Variants in CABLES1 observed in about 807,000 individuals in gnomAD.
The protein encoded by CABLES1 is Cdk5 and Abl enzyme substrate 1.
A neutral mutation model predicts 57.8 loss-of-function variants in CABLES1; 36 were observed. The observed-to-expected ratio is 0.62, with a 90% CI of 0.48 to 0.82. The LOEUF (loss-of-function observed/expected upper bound fraction) is 0.82, where lower values mean the gene tolerates loss of function less well. CABLES1 is among the 40% of genes least tolerant of loss of function. The pLI, the probability that CABLES1 is intolerant of heterozygous loss-of-function variation, is 0.00. For synonymous variants in CABLES1, 374 were observed against 363.0 expected, an observed-to-expected ratio of 1.03 and a Z score of -0.35; for missense variants, 767 against 836.6, an observed-to-expected ratio of 0.92 and a Z score of 1.03.
Position 23,238,619 on chromosome 18 carries a change from A to G in CABLES1, c.1446+1374A>G, listed in dbSNP as rs1159690104. ...CGTAATAAGTGTTCAATAAATGACC[A>G]GAATGATTGCCCTGATGTCAAGGAG... On this transcript the variant is annotated intron_variant, in intron 7 of 9. Coordinates refer to ENST00000256925, the MANE Select transcript of CABLES1 (RefSeq NM_001100619.3). Among the ~76,000 whole-genome samples the G allele has an allele frequency of 3.9e-5, 6 of 152,372 alleles. No individual in the cohort carries two copies. The East Asian group carries it at 1.2e-3, about 29-fold the overall frequency.
chr18:23,191,851 C>T (rs572179342), intron 2 of CABLES1, among the ~76,000 whole-genome samples: 7 of 139,188 alleles, frequency 5.0e-5, no homozygotes, highest in Middle Eastern at 3.7e-3. Context: ...TTGTTGCCAA[C>T]GCCACAATTC....
intron 4 of CABLES1, among the ~76,000 whole-genome samples, chr18:23,226,608 A>G (rs1598840580): frequency 6.6e-6 from 1 of 152,140 alleles, no homozygotes; most frequent in South Asian, 2.1e-4. Context: ...TACTGCATCA[A>G]TGAAAAATGC....
chr18:23,214,249 G>C (rs953697676), intron 4 of CABLES1, 195 bp downstream of exon 4: 2 of 535,784 alleles, frequency 3.7e-6, no homozygotes, highest in Admixed American at 3.7e-5. Context: ...GTGTGTGTGC[G>C]TGTGTGTCCC....
rs28477404 is a variant in CABLES1 at position 23,136,103 on chromosome 18, C to T, written c.341C>T (p.Ala114Val). The change falls in exon 1 of 10, where the codon GCC (alanine) becomes GTC (valine). Residue 114 changes from alanine (A) to valine (V), a missense_variant. Ala to Val is a moderately conservative substitution (Grantham distance 64, BLOSUM62 0). Transcript: ENST00000256925. ...ACTCGGTTCAGCTTGCTCGCCGCTGCCGAGCGGGGCGGCTGCATCGCGCTC... is the reference window on the plus strand; with the variant it reads ...ACTCGGTTCAGCTTGCTCGCCGCTGTCGAGCGGGGCGGCTGCATCGCGCTC... ...ARTRFSLLAAAERGGCIALAA... is the reference protein window; with the variant it reads ...ARTRFSLLAAVERGGCIALAA... 22 of 1,185,774 alleles carry T rather than the reference C, an allele frequency of 1.9e-5. 1 individual carries two copies. The South Asian group carries it at 5.7e-4, about 31-fold the overall frequency. 73.5% of individuals were successfully genotyped at this position (1,185,774 alleles called of 1,614,324 possible). A position where few individuals can be genotyped will look rare whatever the true frequency, so the allele number is the denominator to read the frequency against.
chr18:23,204,157 G>A (rs909877079), intron 3 of CABLES1, among the ~76,000 whole-genome samples: 12 of 152,308 alleles, frequency 7.9e-5, no homozygotes, highest in South Asian at 2.1e-4. Flanking sequence ...ACTAAGTGGC[G>A]GAAGCGGGGA....
At chr18:23,194,591 G>A (rs772196315) in intron 3 of CABLES1, 51 bp downstream of exon 3, 3 of 1,223,676 alleles carry the variant, frequency 2.5e-6, no homozygotes, top group Non-Finnish European at 3.6e-6. Flanking sequence ...TGGAGACAGG[G>A]ACTGGAGGAG....
intron 4 of CABLES1, among the ~76,000 whole-genome samples, chr18:23,228,104 C>CT (rs895379443): frequency 6.6e-6 from 1 of 152,062 alleles, no homozygotes; most frequent in Admixed American, 6.6e-5. Flanking sequence ...TAAGTCTTGT[C>CT]TTTTTTTAAG....
chr18:23,217,988 A>G (rs2145058538), intron 4 of CABLES1, among the ~76,000 whole-genome samples: 1 of 152,318 alleles, frequency 6.6e-6, no homozygotes, highest in East Asian at 1.9e-4. Context: ...TCTGGCCTCC[A>G]TGTTTCCATT....
At chr18:23,179,711 C>T (rs970830967) in intron 1 of CABLES1, among the ~76,000 whole-genome samples, 3 of 152,226 alleles carry the variant, frequency 2.0e-5, no homozygotes, top group Non-Finnish European at 2.9e-5. Context: ...TTACTTTCAT[C>T]GGCACTTTTG....
chr18:23,244,017 GCT>G (rs1177170536), intron 7 of CABLES1, among the ~76,000 whole-genome samples: 2 of 152,146 alleles, frequency 1.3e-5, no homozygotes, highest in Admixed American at 6.5e-5. Context: ...TGCAACATCT[GCT>G]CTCTTTCTAT....
chr18:23,179,363 C>T (rs1344490192), intron 1 of CABLES1, among the ~76,000 whole-genome samples: 1 of 152,190 alleles, frequency 6.6e-6, no homozygotes, highest in Non-Finnish European at 1.5e-5. Flanking sequence ...TAAAGATAAT[C>T]CTGTCTTCCT....
chr18:23,136,125 G>C lies in CABLES1; in HGVS notation c.363G>C (p.Ala121=). The change falls in exon 1 of 10, where the codon GCG becomes GCC. Residue 121 remains alanine (A), a synonymous_variant. Transcript: ENST00000256925. ...LAAAERGGCI[A]LAAPGTPAAG... ...CTGCCGAGCGGGGCGGCTGCATCGC[G>C]CTCGCCGCGCCGGGCACGCCGGCTG... 1.7e-6 allele frequency: 2 copies of C among 1,195,162 alleles called. No homozygotes were observed. Among genetic ancestry groups the C allele is most frequent in the Middle Eastern group, 6.6e-4 (2 of 3,020 alleles). The allele number at this position is 1,195,162 out of a possible 1,614,324, so 74.0% of individuals were successfully genotyped here. A position where few individuals can be genotyped will look rare whatever the true frequency, so the allele number is the denominator to read the frequency against.
intron 3 of CABLES1, among the ~76,000 whole-genome samples, chr18:23,205,006 G>T (rs1037492641): frequency 1.3e-4 from 20 of 152,118 alleles, no homozygotes; most frequent in African/African-American, 4.3e-4. Flanking sequence ...TAGCCTGGGA[G>T]CCCAGAGGAG....
chr18:23,169,513 A>G (rs979565252), intron 1 of CABLES1, among the ~76,000 whole-genome samples: 4 of 152,220 alleles, frequency 2.6e-5, no homozygotes, highest in Non-Finnish European at 5.9e-5. Flanking sequence ...CATTTCACAG[A>G]GAAGTGCCTG....
At chr18:23,172,074 C>G (rs1003282451) in intron 1 of CABLES1, among the ~76,000 whole-genome samples, 5 of 152,174 alleles carry the variant, frequency 3.3e-5, no homozygotes, top group Non-Finnish European at 5.9e-5. Context: ...GCATGTGCCA[C>G]CACACCTGGC....
At chr18:23,163,210 G>A (rs2144978286) in intron 1 of CABLES1, among the ~76,000 whole-genome samples, 2 of 152,196 alleles carry the variant, frequency 1.3e-5, no homozygotes, top group Admixed American at 1.3e-4. Flanking sequence ...GGAGGAGGAA[G>A]AAGAAGAGGT....
chr18:23,211,670 T>C (rs2047405821), intron 3 of CABLES1, among the ~76,000 whole-genome samples: 1 of 152,206 alleles, frequency 6.6e-6, no homozygotes, highest in African/African-American at 2.4e-5. Context: ...AGAGCATTCG[T>C]AGTGGTAAAG....
chr18:23,201,983 C>T (rs1006284773), intron 3 of CABLES1, among the ~76,000 whole-genome samples: 1 of 151,996 alleles, frequency 6.6e-6, no homozygotes, highest in Admixed American at 6.6e-5. Flanking sequence ...GACGCTGAGG[C>T]GGAAGGGCCG....
At chr18:23,212,351 C>A (rs2047411140) in intron 3 of CABLES1, among the ~76,000 whole-genome samples, 1 of 152,166 alleles carries the variant, frequency 6.6e-6, no homozygotes, top group East Asian at 1.9e-4. Context: ...TAATTTTATC[C>A]CATTTTTTAG....
Sources: gnomAD v4.1 joint callset for allele counts (sites outside exome capture counted in the v4.1 genomes callset) on GRCh38, gnomAD v4.1.1 for gene constraint, MANE v1.5 for transcripts, NCBI Gene and HGNC (gene_info 2026-07-23, HGNC 2026-07-21) for gene names.